The following CD300E variants were observed in gnomAD, a reference collection of about 807,000 sequenced individuals.
The protein encoded by CD300E is CMRF35-like molecule 2.
Under a neutral mutation model 20.9 loss-of-function variants are expected in CD300E, and 14 were observed. That is an observed-to-expected ratio of 0.67 (90% CI 0.44 to 1.05). The LOEUF (loss-of-function observed/expected upper bound fraction) is 1.05, where lower values mean the gene tolerates loss of function less well. CD300E is among the 50% of genes least tolerant of loss of function. The pLI is 0.00. For missense variants in CD300E, 237 were observed against 253.9 expected (o/e 0.93, Z 0.45); for synonymous variants, 102 against 103.7 (o/e 0.98, Z 0.10).
chr17:74,622,907 T>C (rs2031051085), intron 1 of CD300E, among the ~76,000 whole-genome samples: 1 of 152,040 alleles, frequency 6.6e-6, no homozygotes, highest in Non-Finnish European at 1.5e-5. Context: ...CCAGCTAATT[T>C]TTGTATTTTT....
rs929269963 is a variant in CD300E at position 74,610,918 on chromosome 17, C to G, written c.*1735G>C. 6.6e-6 allele frequency: 1 copy of G among 152,448 alleles called. No individual in the cohort carries two copies. The highest frequency in any genetic ancestry group is 2.4e-5 in the African/African-American group (1 of 41,436). The allele number at this position is 152,448 out of a possible 1,614,324, so 9.4% of individuals were successfully genotyped here. On this transcript the variant is annotated 3_prime_UTR_variant, in exon 4 of 4. Coordinates refer to ENST00000392619, the MANE Select transcript of CD300E (RefSeq NM_181449.3). ...GCTGTTTCTCTGTCCTCTCTCTCTC[C>G]CTGTTGCTCCATCCCTGCTCCGCTG... is the stretch of plus-strand genomic sequence containing the variant.
At chr17:74,617,587 G>A (rs770055719) in intron 1 of CD300E, 122 bp from the exon 2 acceptor site, 50 of 797,980 alleles carry the variant, frequency 6.3e-5, no homozygotes, top group Non-Finnish European at 9.8e-5. Flanking sequence ...GGGGAACCTG[G>A]AGGAATACTT....
At chr17:74,614,086 C>T in intron 2 of CD300E, 53 bp from the exon 3 acceptor site, 1 of 1,344,378 alleles carries the variant, frequency 7.4e-7, no homozygotes, top group Non-Finnish European at 1.1e-6. Flanking sequence ...CAGCCATGCA[C>T]AGAACACCCG....
chr17:74,623,316 A>T (rs2031060264), intron 1 of CD300E, among the ~76,000 whole-genome samples: 1 of 152,164 alleles, frequency 6.6e-6, no homozygotes, highest in Non-Finnish European at 1.5e-5. Context: ...TCCACATTGT[A>T]TTGTAGTTAG....
chr17:74,621,873 G>T (rs2143373995), intron 1 of CD300E, among the ~76,000 whole-genome samples: 1 of 152,274 alleles, frequency 6.6e-6, no homozygotes, highest in East Asian at 1.9e-4. Context: ...TCACAAAACT[G>T]CTCAGAGGGT....
At chr17:74,622,408 G>A (rs2031041616) in intron 1 of CD300E, among the ~76,000 whole-genome samples, 1 of 151,820 alleles carries the variant, frequency 6.6e-6, no homozygotes, top group Admixed American at 6.6e-5. Context: ...CACGAGTTTG[G>A]GTCCATGTCA....
intron 1 of CD300E, among the ~76,000 whole-genome samples, chr17:74,623,246 G>A (rs1378730946): frequency 6.6e-6 from 1 of 152,190 alleles, no homozygotes; most frequent in Non-Finnish European, 1.5e-5. Context: ...CAAGAGCAAA[G>A]TGAGGGGTTC....
At chr17:74,623,490 C>T in intron 1 of CD300E, 92 bp downstream of exon 1, 2 of 1,212,730 alleles carry the variant, frequency 1.6e-6, no homozygotes, top group South Asian at 1.3e-5. Context: ...TTTCTGTGGA[C>T]ACTTCACCTC....
At chr17:74,619,032 C>G (rs1056502837) in intron 1 of CD300E, 14 of 467,346 alleles carry the variant, frequency 3.0e-5, no homozygotes, top group Non-Finnish European at 5.3e-5. Context: ...CACCTACGTT[C>G]TCCCCCAAGA....
At chr17:74,621,089 G>T (rs1235805218) in intron 1 of CD300E, among the ~76,000 whole-genome samples, 1 of 152,112 alleles carries the variant, frequency 6.6e-6, no homozygotes, top group Admixed American at 6.6e-5. Context: ...ATGAGATAAG[G>T]GGTGTGGCTG....
chr17:74,621,532 T>C (rs2031022108), intron 1 of CD300E, among the ~76,000 whole-genome samples: 1 of 152,232 alleles, frequency 6.6e-6, no homozygotes, highest in African/African-American at 2.4e-5. Flanking sequence ...AGCATGTTCC[T>C]GGAAATAATT....
chr17:74,617,687 C>T (rs1472684708), intron 1 of CD300E, among the ~76,000 whole-genome samples: 1 of 152,194 alleles, frequency 6.6e-6, no homozygotes, highest in Non-Finnish European at 1.5e-5. Context: ...ACAGGGGCCC[C>T]AGCACCTGGA....
intron 2 of CD300E, among the ~76,000 whole-genome samples, chr17:74,614,701 C>G (rs944763194): frequency 6.6e-6 from 1 of 152,112 alleles, no homozygotes; most frequent in African/African-American, 2.4e-5. Flanking sequence ...AGGCTGGTCT[C>G]GAACTCCTGG....
chr17:74,623,436 G>A (rs2031063801), intron 1 of CD300E, 146 bp downstream of exon 1: 1 of 719,176 alleles, frequency 1.4e-6, no homozygotes, highest in Non-Finnish European at 2.4e-6. Flanking sequence ...ATGATTGAAT[G>A]TATAGAAGGA....
At chr17:74,623,518 A>G in intron 1 of CD300E, 64 bp downstream of exon 1, 1 of 1,538,934 alleles carries the variant, frequency 6.5e-7, no homozygotes, top group East Asian at 2.3e-5. Context: ...AACCCAGGAC[A>G]GCTCTTCTAC....
At chr17:74,619,556 C>G (rs1251657103) in intron 1 of CD300E, among the ~76,000 whole-genome samples, 1 of 152,132 alleles carries the variant, frequency 6.6e-6, no homozygotes, top group Non-Finnish European at 1.5e-5. Context: ...CTGATTACAA[C>G]CTGGGCTCCT....
At position 74,617,283 on chromosome 17, in the gene CD300E, G is replaced by A. The variant is rs1194027326; in HGVS notation, c.223C>T (p.Arg75Cys). 6.8e-6 allele frequency: 11 copies of A among 1,614,012 alleles called. No homozygotes were observed. Among genetic ancestry groups the A allele is most frequent in the African/African-American group, 2.7e-5 (2 of 74,880 alleles). Residue 75 changes from arginine (R) to cysteine (C), a missense_variant, in exon 2 of 4, where the codon CGC becomes TGC. Coordinates refer to ENST00000392619, the MANE Select transcript of CD300E (RefSeq NM_181449.3). ...TCCGGGTGGTCTCTGATGGACACGC[G>A]GCCATTCCTCTCCACCTTCTCTTCT... ...KGEEKVERNG[R>C]VSIRDHPEAL...
In CD300E at chr17:74,614,020, T is replaced by C. The variant is rs2143355362; in HGVS notation, c.402A>G (p.Pro134=). 2 of 1,613,756 alleles carry C rather than the reference T, an allele frequency of 1.2e-6. No homozygotes were observed. Among genetic ancestry groups the C allele is most frequent in the East Asian group, 2.2e-5 (1 of 44,844 alleles). The change falls in exon 3 of 4, where the codon CCA becomes CCG. Residue 134 remains proline, a synonymous_variant. Coordinates refer to ENST00000392619, the MANE Select transcript of CD300E (RefSeq NM_181449.3). ...RVYVSPAITT[P]RRTTHPATPP... The stretch of plus-strand genomic sequence containing the variant: ...GTGTGGCTGGATGTGTGGTCCTCCT[T>C]GGGGTTGTAATTGCTGTTGGAGATG...
intron 2 of CD300E, among the ~76,000 whole-genome samples, chr17:74,614,396 G>A (rs543904630): frequency 8.5e-5 from 13 of 152,192 alleles, no homozygotes; most frequent in African/African-American, 2.6e-4. Flanking sequence ...GAGTCTAAAG[G>A]AAGATGGCTC....
Sources: allele counts gnomAD v4.1 joint callset (sites outside exome capture counted in the v4.1 genomes callset), GRCh38; gene constraint gnomAD v4.1.1; transcripts MANE v1.5; gene names NCBI Gene and HGNC (gene_info 2026-07-23, HGNC 2026-07-21).